The following RPTOR variants were observed in gnomAD, a reference collection of about 807,000 sequenced individuals.
The protein encoded by RPTOR is regulatory-associated protein of mTOR.
In RPTOR, 21 loss-of-function variants were observed where a neutral mutation model predicts 169.9. The ratio of observed to expected loss-of-function variants is 0.12; its 90% CI spans 0.09 to 0.18. RPTOR has a LOEUF of 0.18. RPTOR is among the 10% of genes least tolerant of loss of function. The pLI is 1.00. For missense variants in RPTOR, 1,133 were observed against 1,855.9 expected (o/e 0.61, Z 7.16); for synonymous variants, 732 against 753.2 (o/e 0.97, Z 0.46).
chr17:80,660,281 A>T (rs1598199518), intron 3 of RPTOR, among the ~76,000 whole-genome samples: 1 of 152,086 alleles, frequency 6.6e-6, no homozygotes, highest in East Asian at 1.9e-4. Context: ...AAAAAAAAAA[A>T]AAAAAAGAAT....
At chr17:80,773,944 T>C (rs9900956) in intron 6 of RPTOR, 247,473 of 985,122 alleles carry the variant, frequency 0.25, 31,339 homozygotes, top group African/African-American at 0.33. Context: ...CGGCCTGCCC[T>C]GGGGGCTATG....
At chr17:80,875,448 C>T (rs2068096429) in intron 13 of RPTOR, among the ~76,000 whole-genome samples, 1 of 152,184 alleles carries the variant, frequency 6.6e-6, no homozygotes, top group African/African-American at 2.4e-5. Flanking sequence ...TCAAAATTGG[C>T]TTCAGTGTGT....
chr17:80,575,367 A>G (rs1480326345), intron 1 of RPTOR, among the ~76,000 whole-genome samples: 2 of 152,212 alleles, frequency 1.3e-5, no homozygotes, highest in African/African-American at 4.8e-5. Context: ...TTATTATTTA[A>G]AAGTGTTGTA....
intron 20 of RPTOR, among the ~76,000 whole-genome samples, chr17:80,896,226 G>A (rs921514434): frequency 1.3e-5 from 2 of 151,974 alleles, no homozygotes; most frequent in African/African-American, 4.8e-5. Context: ...TGCCACCCCA[G>A]ACCCTTCATC....
chr17:80,833,608 G>C lies in RPTOR; in HGVS notation c.1137-4314G>C, dbSNP rs117604211. Among the ~76,000 whole-genome samples the C allele has an allele frequency of 3.6e-3, 552 of 152,354 alleles. 4 individuals are homozygous for C. The East Asian group carries it at 0.059, about 16-fold the overall frequency. ...GGAATCCCAAATTAGAGCTGCAAGT[G>C]TGTGTTGATTTTACCGTAGAAAATG... On this transcript the variant is annotated intron_variant, in intron 9 of 33. Transcript: ENST00000306801.
At chr17:80,684,346 G>A (rs1256714172) in intron 3 of RPTOR, among the ~76,000 whole-genome samples, 1 of 150,238 alleles carries the variant, frequency 6.7e-6, no homozygotes, top group Non-Finnish European at 1.5e-5. Flanking sequence ...GCTGCCTTGT[G>A]TTTCATTACT....
intron 1 of RPTOR, among the ~76,000 whole-genome samples, chr17:80,572,103 C>T (rs1353778285): frequency 6.6e-6 from 1 of 152,094 alleles, no homozygotes; most frequent in Non-Finnish European, 1.5e-5. Flanking sequence ...ATTAGCATTA[C>T]ATATTTATTT....
intron 20 of RPTOR, 118 bp downstream of exon 20, chr17:80,893,983 G>A: frequency 9.0e-7 from 1 of 1,115,792 alleles, no homozygotes; most frequent in Non-Finnish European, 1.2e-6. Flanking sequence ...CTGTTCAAAA[G>A]AAAGAATAAA....
chr17:80,640,482 C>T (rs1441207022), intron 2 of RPTOR, among the ~76,000 whole-genome samples: 1 of 152,226 alleles, frequency 6.6e-6, no homozygotes, highest in African/African-American at 2.4e-5. Context: ...GGGAACCATA[C>T]AATTAACTGA....
At chr17:80,687,469 G>A (rs984578905) in intron 3 of RPTOR, among the ~76,000 whole-genome samples, 8 of 152,206 alleles carry the variant, frequency 5.3e-5, no homozygotes, top group Non-Finnish European at 1.0e-4. Flanking sequence ...GTATCTATCT[G>A]TGTCCAGGTC....
At chr17:80,739,744 G>A (rs2066466883) in intron 5 of RPTOR, among the ~76,000 whole-genome samples, 1 of 152,006 alleles carries the variant, frequency 6.6e-6, no homozygotes, top group Non-Finnish European at 1.5e-5. Flanking sequence ...AAAATACATA[G>A]AGTTAGATGA....
chr17:80,769,385 C>T (rs994313491), intron 6 of RPTOR, among the ~76,000 whole-genome samples: 1 of 152,224 alleles, frequency 6.6e-6, no homozygotes, highest in African/African-American at 2.4e-5. Flanking sequence ...GGCATTAAAC[C>T]TTGCTTTAAG....
At chr17:80,762,831 A>G (rs2066748804) in intron 6 of RPTOR, among the ~76,000 whole-genome samples, 1 of 152,210 alleles carries the variant, frequency 6.6e-6, no homozygotes, top group Non-Finnish European at 1.5e-5. Flanking sequence ...TATCTAGGAA[A>G]TAACATTTTC....
In RPTOR at chr17:80,817,680, A is replaced by T. The variant is rs116049652; in HGVS notation, c.891-4521A>T. On this transcript the variant is annotated intron_variant, in intron 7 of 33. Transcript: ENST00000306801. ...GAGCACCCTTGGGAGAGTGACTGTG[A>T]TGGGCTGTGATCCCTCAGGCATCTG... Among the ~76,000 whole-genome samples, 1,476 of 152,198 alleles carry T rather than the reference A, an allele frequency of 9.7e-3. 26 individuals carry two copies. Among genetic ancestry groups the T allele is most frequent in the African/African-American group, 0.034 (1,418 of 41,518 alleles).
rs769877138 is a variant in RPTOR at position 80,934,929 on chromosome 17, G to A, written c.2920-5567G>A. Among the ~76,000 whole-genome samples the A allele has an allele frequency of 4.0e-5, 6 of 151,588 alleles. No homozygotes were observed. In the South Asian group the frequency reaches 6.2e-4, roughly 16 times the overall value. ...CAGCCAGGCACAGTGGCTCATGCCTGTAATCCAGCACTTTAGGAGGCCAAG... is the reference window on the plus strand; with the variant it reads ...CAGCCAGGCACAGTGGCTCATGCCTATAATCCAGCACTTTAGGAGGCCAAG... On this transcript the variant is annotated intron_variant, in intron 24 of 33. Coordinates refer to ENST00000306801, the MANE Select transcript of RPTOR (RefSeq NM_020761.3).
chr17:80,800,052 G>GC (rs1307609893), intron 7 of RPTOR, among the ~76,000 whole-genome samples: 1 of 152,330 alleles, frequency 6.6e-6, no homozygotes, highest in Admixed American at 6.5e-5. Context: ...ACGGCAGGTG[G>GC]CCCCCTGGCC....
Position 80,947,308 on chromosome 17 carries a change from G to A in RPTOR, c.3222G>A (p.Glu1074=), listed in dbSNP as rs9912110. The A allele has an allele frequency of 3.1e-3, 5,047 of 1,604,684 alleles. 143 individuals are homozygous for A. In the African/African-American group the frequency reaches 0.057, roughly 18 times the overall value. The change falls in exon 27 of 34, where the codon GAG becomes GAA. Residue 1074 remains glutamate, a synonymous_variant. Transcript: ENST00000306801. The surrounding 1 kb of genome is among the most constrained non-coding windows in gnomAD (Gnocchi z 4.4). ...NPRYTRVTAM[E]YLNGQDCSLL... is the part of the protein sequence containing the mutation. ...GGTACACGAGGGTCACTGCCATGGA[G>A]TATCTGAACGGCCAGGACTGCTCGC...
intron 7 of RPTOR, among the ~76,000 whole-genome samples, chr17:80,791,999 C>G (rs2067053641): frequency 6.6e-6 from 1 of 152,144 alleles, no homozygotes; most frequent in Non-Finnish European, 1.5e-5. Flanking sequence ...TTAGTCAGGC[C>G]TATGAAGAGT....
intron 21 of RPTOR, among the ~76,000 whole-genome samples, chr17:80,918,648 T>C (rs1045818440): frequency 3.3e-5 from 5 of 152,216 alleles, no homozygotes; most frequent in African/African-American, 9.6e-5. Context: ...ATTCTAGTTC[T>C]GCTAGCTTTC....
Sources: allele counts gnomAD v4.1 joint callset (sites outside exome capture counted in the v4.1 genomes callset), GRCh38; gene constraint gnomAD v4.1.1; non-coding constraint Gnocchi (gnomAD v3.1); transcripts MANE v1.5; gene names NCBI Gene and HGNC (gene_info 2026-07-23, HGNC 2026-07-21).